The following GALNT18 variants were observed in gnomAD, a reference collection of about 807,000 sequenced individuals.
GALNT18 encodes the protein polypeptide N-acetylgalactosaminyltransferase 18.
GALNT18 carries 44 observed loss-of-function variants against 69.5 expected under a neutral mutation model. The ratio of observed to expected loss-of-function variants is 0.63; its 90% CI spans 0.50 to 0.81. The LOEUF (loss-of-function observed/expected upper bound fraction) is 0.81, where lower values mean the gene tolerates loss of function less well. Among genes scored for constraint, GALNT18 ranks in the 40% least tolerant of loss-of-function variants. The probability of loss-of-function intolerance (pLI) is 0.00; values close to 1 mark genes in which losing one functional copy is unlikely to be tolerated. For synonymous variants in GALNT18, 364 were observed against 318.2 expected, an observed-to-expected ratio of 1.14 and a Z score of -1.53; for missense variants, 715 against 810.0, an observed-to-expected ratio of 0.88 and a Z score of 1.42.
At chr11:11,455,897 T>C (rs1855915103) in intron 1 of GALNT18, among the ~76,000 whole-genome samples, 1 of 152,128 alleles carries the variant, frequency 6.6e-6, no homozygotes, top group African/African-American at 2.4e-5. Flanking sequence ...AAGACCAGCC[T>C]GGGTAACATG....
intron 3 of GALNT18, among the ~76,000 whole-genome samples, chr11:11,381,505 C>T (rs577547424): frequency 6.6e-6 from 1 of 152,286 alleles, no homozygotes; most frequent in East Asian, 1.9e-4. Flanking sequence ...ATGATTGCTA[C>T]CAAATGGTCT....
At position 11,314,398 on chromosome 11, in the gene GALNT18, C is replaced by A. The variant is rs564721602; in HGVS notation, c.1512+12688G>T. On this transcript the variant is annotated intron_variant, in intron 9 of 10. Transcript: ENST00000227756. This position sits in a 1 kb window ranked among gnomAD's most constrained non-coding sequence, Gnocchi z 5.2. ...AAGCAGCTCCTTTTTTTTTTTTTAG[C>A]ATGGAAGCTGCAGGAGCAGCCCAGA... Among the ~76,000 whole-genome samples the A allele has an allele frequency of 1.3e-5, 2 of 149,062 alleles. No homozygotes were observed. Among genetic ancestry groups the A allele is most frequent in the East Asian group, 3.9e-4 (2 of 5,088 alleles).
Position 11,304,074 on chromosome 11 carries a change from C to T in GALNT18, c.1513-10881G>A, listed in dbSNP as rs376531798. Among the ~76,000 whole-genome samples the T allele has an allele frequency of 2.6e-5, 4 of 152,132 alleles. No homozygotes were observed. The East Asian group carries it at 7.7e-4, about 29-fold the overall frequency. ...GTTACAAAGAGCCAAGTAGACTTCTCCCAGGAATTTAAAACCTGAAAAGGA... is the reference window on the plus strand; with the variant it reads ...GTTACAAAGAGCCAAGTAGACTTCTTCCAGGAATTTAAAACCTGAAAAGGA... On this transcript the variant is annotated intron_variant, in intron 9 of 10. Transcript: ENST00000227756.
At chr11:11,297,067 G>A (rs1456952361) in intron 9 of GALNT18, among the ~76,000 whole-genome samples, 1 of 152,128 alleles carries the variant, frequency 6.6e-6, no homozygotes, top group African/African-American at 2.4e-5. Flanking sequence ...TTATAAACCA[G>A]GGGCTATCTG....
chr11:11,288,912 G>T (rs1452101639), intron 10 of GALNT18, among the ~76,000 whole-genome samples: 1 of 152,164 alleles, frequency 6.6e-6, no homozygotes. Flanking sequence ...AATTCAGCCT[G>T]AGTGTCTGTG....
At chr11:11,473,974 A>G (rs1266995567) in intron 1 of GALNT18, among the ~76,000 whole-genome samples, 1 of 152,232 alleles carries the variant, frequency 6.6e-6, no homozygotes, top group African/African-American at 2.4e-5. Context: ...CTGGGGCAGG[A>G]GAATGGCTTG....
chr11:11,590,813 G>A lies in GALNT18; in HGVS notation c.235+30546C>T, dbSNP rs982673456. Among the ~76,000 whole-genome samples, 10 of 152,102 alleles carry A rather than the reference G, an allele frequency of 6.6e-5. No individual in the cohort carries two copies. Among genetic ancestry groups the A allele is most frequent in the Admixed American group, 1.3e-4 (2 of 15,264 alleles). ...AATGCATTCCTCAGGTGTTTGTGGTGATGCTTATGTAAACAAACCTACCGC... is the reference window on the plus strand; with the variant it reads ...AATGCATTCCTCAGGTGTTTGTGGTAATGCTTATGTAAACAAACCTACCGC... On this transcript the variant is annotated intron_variant, in intron 1 of 10. Transcript: ENST00000227756. The surrounding 1 kb of genome is among the most constrained non-coding windows in gnomAD (Gnocchi z 4.4).
chr11:11,395,222 G>A (rs1484975194), intron 3 of GALNT18, among the ~76,000 whole-genome samples: 4 of 152,206 alleles, frequency 2.6e-5, no homozygotes, highest in African/African-American at 4.8e-5. Context: ...TCTATGACAA[G>A]TTTACAATGC....
chr11:11,271,689 C>T (rs930293546), intron 10 of GALNT18, among the ~76,000 whole-genome samples: 2 of 152,184 alleles, frequency 1.3e-5, no homozygotes, highest in African/African-American at 4.8e-5. Flanking sequence ...AGGCCTGGGG[C>T]TTCCTGCTCC....
At chr11:11,401,856 G>A (rs1341059928) in intron 3 of GALNT18, among the ~76,000 whole-genome samples, 5 of 152,288 alleles carry the variant, frequency 3.3e-5, no homozygotes, top group East Asian at 1.9e-4. Context: ...CATAAGCTCC[G>A]TTCTAAATGG....
chr11:11,352,800 C>G (rs769966662), intron 6 of GALNT18: 1 of 1,613,976 alleles, frequency 6.2e-7, no homozygotes, highest in African/African-American at 1.3e-5. Context: ...GGCGGGGGTT[C>G]GTGACACAGG....
rs1188072044 is a variant in GALNT18 at position 11,382,858 on chromosome 11, T to C, written c.596-3594A>G. On this transcript the variant is annotated intron_variant, in intron 3 of 10. Transcript: ENST00000227756. This position sits in a 1 kb window ranked among gnomAD's most constrained non-coding sequence, Gnocchi z 4.3. ...GTGGAAGGAAAAGGGAAGGTATATT[T>C]TGTGCTTGTTTTAATGCGTTGGAGA... Among the ~76,000 whole-genome samples, 2 of 152,186 alleles carry C rather than the reference T, an allele frequency of 1.3e-5. No individual in the cohort carries two copies. The highest frequency in any genetic ancestry group is 4.8e-5 in the African/African-American group (2 of 41,434).
intron 5 of GALNT18, among the ~76,000 whole-genome samples, chr11:11,374,223 G>A (rs537264576): frequency 5.3e-5 from 8 of 152,226 alleles, no homozygotes; most frequent in African/African-American, 1.9e-4. Context: ...TAGTCTCTCT[G>A]GGAAAAATCC....
intron 10 of GALNT18, among the ~76,000 whole-genome samples, chr11:11,280,064 G>C (rs1227671230): frequency 1.3e-5 from 2 of 152,112 alleles, no homozygotes; most frequent in East Asian, 3.9e-4. Context: ...AGATGGCCCA[G>C]CCGATCACAC....
rs559689820 is a variant in GALNT18, at chr11:11,329,697, T to G, written c.1417-2516A>C. Among the ~76,000 whole-genome samples the G allele has an allele frequency of 4.6e-5, 7 of 152,308 alleles. No homozygotes were observed. The East Asian group carries it at 1.4e-3, about 29-fold the overall frequency. ...GACTGGGTCTCAGTCTCACTGTATA[T>G]CATACAGGCCAGGCACAAAGGAGAC... On this transcript the variant is annotated intron_variant, in intron 8 of 10. Transcript: ENST00000227756.
chr11:11,351,590 CAG>C (rs1433289256), intron 6 of GALNT18, among the ~76,000 whole-genome samples: 1 of 152,168 alleles, frequency 6.6e-6, no homozygotes. Context: ...GCCCCAAACT[CAG>C]AGACAGAAGT....
rs965871166 is a variant in GALNT18 at position 11,396,812 on chromosome 11, G to A, written c.596-17548C>T. Among the ~76,000 whole-genome samples the A allele has an allele frequency of 1.3e-5, 2 of 152,190 alleles. No individual in the cohort carries two copies. The highest frequency in any genetic ancestry group is 2.9e-5 in the Non-Finnish European group (2 of 68,044). On this transcript the variant is annotated intron_variant, in intron 3 of 10. Coordinates refer to ENST00000227756, the MANE Select transcript of GALNT18 (RefSeq NM_198516.3). The surrounding 1 kb of genome is among the most constrained non-coding windows in gnomAD (Gnocchi z 5.2). ...ATTTCTGGCCCGCACTGCAGCATCA[G>A]TGGGGAGGAAAATAGGGAGGGTCTT... is the stretch of plus-strand genomic sequence containing the variant.
chr11:11,477,844 C>T (rs541595861), intron 1 of GALNT18, among the ~76,000 whole-genome samples: 1 of 152,288 alleles, frequency 6.6e-6, no homozygotes, highest in South Asian at 2.1e-4. Context: ...CCCCAGGAGT[C>T]TTGTTTATTC....
At chr11:11,472,596 T>C (rs1482606990) in intron 1 of GALNT18, among the ~76,000 whole-genome samples, 1 of 92,804 alleles carries the variant, frequency 1.1e-5, no homozygotes, top group Non-Finnish European at 2.3e-5. Context: ...GAAACAAAGA[T>C]AGACCAGACT....
Sources: allele counts gnomAD v4.1 joint callset (sites outside exome capture counted in the v4.1 genomes callset), GRCh38; gene constraint gnomAD v4.1.1; non-coding constraint Gnocchi (gnomAD v3.1); transcripts MANE v1.5; gene names NCBI Gene and HGNC (gene_info 2026-07-23, HGNC 2026-07-21).